PRKCE: variants seen among roughly 807,000 people sequenced by gnomAD.
PRKCE encodes protein kinase C epsilon, also known as protein kinase C epsilon type.
A neutral mutation model predicts 85.4 loss-of-function variants in PRKCE; 16 were observed. That is an observed-to-expected ratio of 0.19 (90% CI 0.13 to 0.28). The LOEUF (loss-of-function observed/expected upper bound fraction) is 0.28, where lower values mean the gene tolerates loss of function less well. Ranked by LOEUF, PRKCE falls within the 10% of genes least tolerant of loss-of-function variation. The pLI is 1.00. For missense variants in PRKCE, 573 were observed against 975.2 expected (o/e 0.59, Z 5.49); for synonymous variants, 388 against 371.5 (o/e 1.04, Z -0.51).
intron 1 of PRKCE, among the ~76,000 whole-genome samples, chr2:45,723,430 G>C (rs146500026): frequency 6.6e-6 from 1 of 152,144 alleles, no homozygotes; most frequent in Non-Finnish European, 1.5e-5. Flanking sequence ...GTGCTTCTAG[G>C]CTCCTGGACA....
At chr2:45,731,939 T>G (rs1280474135) in intron 1 of PRKCE, among the ~76,000 whole-genome samples, 1 of 152,144 alleles carries the variant, frequency 6.6e-6, no homozygotes, top group Non-Finnish European at 1.5e-5. Context: ...CAGACTGCCA[T>G]GTGATTCAAA....
In PRKCE at chr2:45,768,914, G is replaced by A. The variant is rs1051185633; in HGVS notation, c.349-74086G>A. On this transcript the variant is annotated intron_variant, in intron 1 of 14. Transcript: ENST00000306156. Reference sequence around the variant, plus strand: ...TCAATGGACAACTTCATATCTCCACGTTACCAGGACAGGGCTTAGCCACAG... The same window carrying A: ...TCAATGGACAACTTCATATCTCCACATTACCAGGACAGGGCTTAGCCACAG... Among the ~76,000 whole-genome samples, 10 of 152,308 alleles carry A rather than the reference G, an allele frequency of 6.6e-5. 1 individual carries two copies. The East Asian group carries it at 9.6e-4, about 15-fold the overall frequency.
chr2:45,771,699 G>C (rs1240478697), intron 1 of PRKCE, among the ~76,000 whole-genome samples: 1 of 133,816 alleles, frequency 7.5e-6, no homozygotes, highest in East Asian at 2.2e-4. Flanking sequence ...CTACAGAGTG[G>C]GGCGTGTGTG....
At chr2:45,728,005 C>A (rs1384766555) in intron 1 of PRKCE, among the ~76,000 whole-genome samples, 2 of 152,156 alleles carry the variant, frequency 1.3e-5, no homozygotes, top group African/African-American at 4.8e-5. Context: ...AAAATAAAGC[C>A]CTTACTGGCT....
intron 2 of PRKCE, among the ~76,000 whole-genome samples, chr2:45,970,616 G>T (rs1005667306): frequency 2.0e-5 from 3 of 152,074 alleles, no homozygotes; most frequent in African/African-American, 7.2e-5. Context: ...GCTCTGGGTA[G>T]CTCCTGGGTG....
intron 1 of PRKCE, among the ~76,000 whole-genome samples, chr2:45,798,265 A>G (rs776733136): frequency 7.9e-5 from 12 of 152,258 alleles, no homozygotes; most frequent in Non-Finnish European, 1.5e-4. Context: ...AGGAATTTAT[A>G]TATGTGGAGC....
At position 45,651,960 on chromosome 2, in the gene PRKCE, G is replaced by A. The variant is rs918001784; in HGVS notation, c.-141G>A. ...AGAATCGCCCGCGCCAGGGCGCAACGCCACAAGGTGTAGGGAGTGTGCGGG... is the reference window on the plus strand; with the variant it reads ...AGAATCGCCCGCGCCAGGGCGCAACACCACAAGGTGTAGGGAGTGTGCGGG... On this transcript the variant is annotated 5_prime_UTR_variant, in exon 1 of 15. Transcript: ENST00000306156. 3.1e-6 allele frequency: 2 copies of A among 650,642 alleles called. No homozygotes were observed. The highest frequency in any genetic ancestry group is 5.2e-6 in the Non-Finnish European group (2 of 386,774). 40.3% of individuals were successfully genotyped at this position (650,642 alleles called of 1,614,324 possible).
intron 13 of PRKCE, among the ~76,000 whole-genome samples, chr2:46,156,264 A>T (rs1172135691): frequency 6.6e-6 from 1 of 151,846 alleles, no homozygotes; most frequent in African/African-American, 2.4e-5. Context: ...CTTTTTGCCT[A>T]GGTACATTCC....
chr2:45,946,880 T>C (rs1467039345), intron 2 of PRKCE, among the ~76,000 whole-genome samples: 1 of 152,260 alleles, frequency 6.6e-6, no homozygotes, highest in African/African-American at 2.4e-5. Context: ...ACTGTGCATA[T>C]GTAAAGTCTC....
chr2:46,066,935 A>T (rs1296533959), intron 10 of PRKCE, among the ~76,000 whole-genome samples: 2 of 152,338 alleles, frequency 1.3e-5, no homozygotes, highest in African/African-American at 4.8e-5. Flanking sequence ...TCTGAGTAAT[A>T]TGGAATATGT....
At chr2:46,123,000 G>T (rs772113852) in intron 11 of PRKCE, among the ~76,000 whole-genome samples, 20 of 149,066 alleles carry the variant, frequency 1.3e-4, no homozygotes, top group Non-Finnish European at 2.2e-4. Context: ...TTTCCTCCCT[G>T]GTAAAATCTG....
intron 1 of PRKCE, among the ~76,000 whole-genome samples, chr2:45,760,657 T>C (rs1019016091): frequency 6.6e-6 from 1 of 152,184 alleles, no homozygotes; most frequent in Non-Finnish European, 1.5e-5. Flanking sequence ...TAACTTAGAA[T>C]CATTTTCTTG....
chr2:46,152,140 A>G (rs937141212), intron 13 of PRKCE, among the ~76,000 whole-genome samples: 1 of 152,068 alleles, frequency 6.6e-6, no homozygotes, highest in African/African-American at 2.4e-5. Context: ...TGTTCTTTTA[A>G]TCAACTTCCA....
chr2:45,946,520 C>T (rs1172080966), intron 2 of PRKCE, among the ~76,000 whole-genome samples: 1 of 152,194 alleles, frequency 6.6e-6, no homozygotes, highest in Admixed American at 6.5e-5. Flanking sequence ...AGACATCAGC[C>T]TTCCAGCTCT....
intron 1 of PRKCE, among the ~76,000 whole-genome samples, chr2:45,743,809 C>T (rs888627782): frequency 2.0e-5 from 3 of 152,158 alleles, no homozygotes; most frequent in Non-Finnish European, 4.4e-5. Flanking sequence ...TTGATTCCGG[C>T]TCTGGTTCCT....
Position 45,880,946 on chromosome 2 carries a change from G to C in PRKCE, c.412+37883G>C, listed in dbSNP as rs1017537019. On this transcript the variant is annotated intron_variant, in intron 2 of 14. Coordinates refer to ENST00000306156, the MANE Select transcript of PRKCE (RefSeq NM_005400.3). The stretch of plus-strand genomic sequence containing the variant: ...AGGCGGGCGGATCACGAGGTCAGGA[G>C]ATCGAGACCATCCGGGCTAAAACGG... Among the ~76,000 whole-genome samples, 9 of 152,190 alleles carry C rather than the reference G, an allele frequency of 5.9e-5. 1 individual carries two copies. The highest frequency in any genetic ancestry group is 2.2e-4 in the African/African-American group (9 of 41,540).
intron 10 of PRKCE, among the ~76,000 whole-genome samples, chr2:46,076,904 T>C: frequency 6.6e-6 from 1 of 152,164 alleles, no homozygotes; most frequent in East Asian, 1.9e-4. Flanking sequence ...GGATAAATAC[T>C]ACGTGATACT....
At chr2:45,873,646 T>G (rs1434505743) in intron 2 of PRKCE, among the ~76,000 whole-genome samples, 4 of 152,186 alleles carry the variant, frequency 2.6e-5, no homozygotes, top group Non-Finnish European at 5.9e-5. Flanking sequence ...AGTCAGCAGT[T>G]TACCTTTGCT....
At chr2:45,882,138 C>G (rs879243536) in intron 2 of PRKCE, among the ~76,000 whole-genome samples, 3 of 152,150 alleles carry the variant, frequency 2.0e-5, no homozygotes, top group Admixed American at 2.0e-4. Flanking sequence ...CTTGTCTTAC[C>G]TACATGTTTT....
Sources: gnomAD v4.1 joint callset for allele counts (sites outside exome capture counted in the v4.1 genomes callset) on GRCh38, gnomAD v4.1.1 for gene constraint, MANE v1.5 for transcripts, NCBI Gene and HGNC (gene_info 2026-07-23, HGNC 2026-07-21) for gene names.